Variants in SLC6A11 observed in about 807,000 individuals in gnomAD.
SLC6A11 encodes sodium- and chloride-dependent GABA transporter 3.
Under a neutral mutation model 74.8 loss-of-function variants are expected in SLC6A11, and 25 were observed. The ratio of observed to expected loss-of-function variants is 0.33; its 90% CI spans 0.24 to 0.47. The LOEUF is 0.47. Among genes scored for constraint, SLC6A11 ranks in the 20% least tolerant of loss-of-function variants. The probability of loss-of-function intolerance (pLI) is 1.00; values close to 1 mark genes in which losing one functional copy is unlikely to be tolerated. For synonymous variants in SLC6A11, 330 were observed against 330.2 expected, an observed-to-expected ratio of 1.00 and a Z score of 0.01; for missense variants, 574 against 837.0, an observed-to-expected ratio of 0.69 and a Z score of 3.88.
At chr3:10,892,746 C>T (rs563750522) in intron 6 of SLC6A11, among the ~76,000 whole-genome samples, 2 of 152,046 alleles carry the variant, frequency 1.3e-5, no homozygotes, top group East Asian at 3.9e-4. Context: ...AGACAAAGCC[C>T]AGAGAGAAGA....
intron 8 of SLC6A11, among the ~76,000 whole-genome samples, chr3:10,922,276 G>A (rs776087444): frequency 3.9e-5 from 6 of 152,048 alleles, no homozygotes; most frequent in Non-Finnish European, 5.9e-5. Flanking sequence ...TTAATATAAT[G>A]CACCATGTTA....
intron 5 of SLC6A11, among the ~76,000 whole-genome samples, chr3:10,854,282 G>A (rs1694612023): frequency 1.3e-5 from 2 of 152,090 alleles, no homozygotes; most frequent in Non-Finnish European, 2.9e-5. Context: ...CCAGCTACTT[G>A]GGAGGCTGAG....
intron 10 of SLC6A11, among the ~76,000 whole-genome samples, chr3:10,929,637 C>A (rs1467636294): frequency 1.3e-5 from 2 of 152,198 alleles, no homozygotes; most frequent in Non-Finnish European, 2.9e-5. Context: ...GACTCCTGGG[C>A]CATCCCTAAG....
intron 13 of SLC6A11, among the ~76,000 whole-genome samples, chr3:10,936,050 C>A (rs539987313): frequency 6.6e-6 from 1 of 152,132 alleles, no homozygotes; most frequent in African/African-American, 2.4e-5. Context: ...TACTCCAGAG[C>A]GGCACTCCCT....
At chr3:10,884,750 A>G (rs1233038042) in intron 6 of SLC6A11, among the ~76,000 whole-genome samples, 1 of 152,110 alleles carries the variant, frequency 6.6e-6, no homozygotes, top group African/African-American at 2.4e-5. Context: ...ATCTCCATTC[A>G]GCGCAGGAAT....
intron 5 of SLC6A11, among the ~76,000 whole-genome samples, chr3:10,869,590 C>T (rs1240959238): frequency 6.6e-6 from 1 of 152,210 alleles, no homozygotes; most frequent in Non-Finnish European, 1.5e-5. Flanking sequence ...GGCACGTTCC[C>T]CAATAGCAGG....
intron 2 of SLC6A11, 43 bp downstream of exon 2, chr3:10,819,642 A>G: frequency 2.5e-6 from 4 of 1,609,762 alleles, no homozygotes; most frequent in Non-Finnish European, 3.4e-6. Flanking sequence ...TGCCCAGGGA[A>G]TGTCAACTGC....
At chr3:10,819,386 A>G in intron 1 of SLC6A11, 79 bp from the exon 2 acceptor site, 1 of 1,373,156 alleles carries the variant, frequency 7.3e-7, no homozygotes, top group Non-Finnish European at 1.0e-6. Flanking sequence ...GGCCTGTAGT[A>G]GATGTTTATT....
At chr3:10,849,826 A>G (rs1305088582) in intron 5 of SLC6A11, among the ~76,000 whole-genome samples, 1 of 150,220 alleles carries the variant, frequency 6.7e-6, no homozygotes, top group Non-Finnish European at 1.5e-5. Context: ...AAAAAAACGA[A>G]AAAAAACCCT....
chr3:10,938,200 G>A (rs1215450285), intron 13 of SLC6A11, 50 bp from the exon 14 acceptor site: 1 of 1,532,356 alleles, frequency 6.5e-7, no homozygotes, highest in Non-Finnish European at 8.8e-7. Context: ...GCAGACCCTG[G>A]ACCCTGGCAG....
chr3:10,932,999 A>T lies in SLC6A11; in HGVS notation c.1372-152A>T. 4.7e-6 allele frequency: 3 copies of T among 644,558 alleles called. No homozygotes were observed. In the South Asian group the frequency reaches 5.6e-5, roughly 12 times the overall value. The allele number at this position is 644,558 out of a possible 1,614,324, so 39.9% of individuals were successfully genotyped here. A position where few individuals can be genotyped will look rare whatever the true frequency, so the allele number is the denominator to read the frequency against. On this transcript the variant is annotated intron_variant, in intron 10 of 13. Transcript: ENST00000254488. Reference sequence around the variant, plus strand: ...AGGGGGCTCCCAGATGGGAGGGTGCAATTTTCAAACTGGGAAGACTAGGGA... The same window carrying T: ...AGGGGGCTCCCAGATGGGAGGGTGCTATTTTCAAACTGGGAAGACTAGGGA...
At chr3:10,900,610 T>C (rs1231880152) in intron 6 of SLC6A11, among the ~76,000 whole-genome samples, 3 of 152,234 alleles carry the variant, frequency 2.0e-5, no homozygotes, top group African/African-American at 7.2e-5. Flanking sequence ...CCCTTTTGGC[T>C]TCTCCAGGGC....
intron 4 of SLC6A11, among the ~76,000 whole-genome samples, chr3:10,834,889 A>G (rs531983551): frequency 1.3e-5 from 2 of 152,142 alleles, no homozygotes; most frequent in Admixed American, 1.3e-4. Flanking sequence ...CTCACAATCC[A>G]TTCCCCTTCC....
At chr3:10,832,392 G>T (rs1276880700) in intron 4 of SLC6A11, among the ~76,000 whole-genome samples, 1 of 152,082 alleles carries the variant, frequency 6.6e-6, no homozygotes, top group Non-Finnish European at 1.5e-5. Context: ...TAGGGGCTTG[G>T]GCCACATGCA....
chr3:10,823,372 C>T lies in SLC6A11; in HGVS notation c.603C>T (p.Ser201=), dbSNP rs539009126. 1.7e-5 allele frequency: 28 copies of T among 1,613,196 alleles called. No homozygotes were observed. The highest frequency in any genetic ancestry group is 1.6e-4 in the African/African-American group (12 of 75,030). ...YSHVSLQNAT[S]PVMEFWEHRV... is the part of the protein sequence containing the mutation. ...ATGTGTCTCTGCAGAATGCCACCTC[C>T]CCTGTCATGGAGTTTTGGGAGTAAG... Residue 201 remains serine, a synonymous_variant, in exon 4 of 14, where the codon TCC becomes TCT. Coordinates refer to ENST00000254488, the MANE Select transcript of SLC6A11 (RefSeq NM_014229.3).
chr3:10,866,347 T>G (rs567681299), intron 5 of SLC6A11, among the ~76,000 whole-genome samples: 1 of 152,332 alleles, frequency 6.6e-6, no homozygotes, highest in South Asian at 2.1e-4. Context: ...ATGTCTTTAT[T>G]TGGGGCAGCC....
chr3:10,856,406 G>C (rs1694638666), intron 5 of SLC6A11, among the ~76,000 whole-genome samples: 1 of 152,248 alleles, frequency 6.6e-6, no homozygotes, highest in African/African-American at 2.4e-5. Flanking sequence ...CAGAGCACCT[G>C]CCACATGCTG....
intron 11 of SLC6A11, 152 bp from the exon 12 acceptor site, chr3:10,933,914 A>T: frequency 3.5e-6 from 2 of 571,370 alleles, no homozygotes; most frequent in Admixed American, 2.7e-5. Context: ...TCACACATGT[A>T]ACATCTCGGT....
Position 10,816,344 on chromosome 3 carries a change from G to A in SLC6A11, c.79G>A (p.Gly27Ser), listed in dbSNP as rs1435742368. 7.0e-7 allele frequency: 1 copy of A among 1,429,216 alleles called. No homozygotes were observed. Among genetic ancestry groups the A allele is most frequent in the Non-Finnish European group, 9.1e-7 (1 of 1,094,246 alleles). 88.5% of individuals were successfully genotyped at this position (1,429,216 alleles called of 1,614,324 possible). A position where few individuals can be genotyped will look rare whatever the true frequency, so the allele number is the denominator to read the frequency against. ...GCGGGAGTCCGAGGCGCCGGGTGGC[G>A]GCTGCAGCAGCGGGGGCGCGGCGCC... is the stretch of plus-strand genomic sequence containing the variant. Reference protein sequence around the residue: ...EARESEAPGGGCSSGGAAPAR... With the variant: ...EARESEAPGGSCSSGGAAPAR... Residue 27 changes from glycine (G) to serine (S), a missense_variant, in exon 1 of 14, where the codon GGC becomes AGC. Around this residue, in one of 4 missense-constraint regions of SLC6A11, gnomAD observed 86 missense variants for 87.4 expected, o/e 0.98. Coordinates refer to ENST00000254488, the MANE Select transcript of SLC6A11 (RefSeq NM_014229.3). This position sits in a 1 kb window ranked among gnomAD's most constrained non-coding sequence, Gnocchi z 4.2.
Sources: gnomAD v4.1 joint callset for allele counts (sites outside exome capture counted in the v4.1 genomes callset) on GRCh38, gnomAD v4.1.1 for gene constraint, gnomAD v4.1.1 regional missense constraint, Gnocchi (gnomAD v3.1) non-coding constraint, MANE v1.5 for transcripts, NCBI Gene and HGNC (gene_info 2026-07-23, HGNC 2026-07-21) for gene names.